Variants in DOCK1 observed in about 807,000 individuals in gnomAD.
DOCK1 encodes the protein dedicator of cytokinesis protein 1.
In DOCK1, 138 loss-of-function variants were observed where a neutral mutation model predicts 262.7. That is an observed-to-expected ratio of 0.53 (90% CI 0.46 to 0.61). The LOEUF (loss-of-function observed/expected upper bound fraction) is 0.61, where lower values mean the gene tolerates loss of function less well. Among genes scored for constraint, DOCK1 ranks in the 20% least tolerant of loss-of-function variants. DOCK1 has a pLI of 0.00. For synonymous variants in DOCK1, 866 were observed against 867.4 expected (o/e 1.00, Z 0.03); for missense variants, 1,908 against 2,370.7 (o/e 0.80, Z 4.05).
chr10:127,328,119 CAA>C (rs11301683), intron 29 of DOCK1, among the ~76,000 whole-genome samples: 1,839 of 72,530 alleles, frequency 0.025, 32 homozygotes, highest in African/African-American at 0.076. Flanking sequence ...TACAAATGGG[CAA>C]AAAAAAAAAA....
chr10:127,352,505 TATC>T (rs2063934549), intron 31 of DOCK1, among the ~76,000 whole-genome samples: 1 of 152,074 alleles, frequency 6.6e-6, no homozygotes, highest in African/African-American at 2.4e-5. Flanking sequence ...CTGGGATCAT[TATC>T]ATTCTAATCA....
At chr10:127,417,154 C>A (rs2068205765) in intron 44 of DOCK1, among the ~76,000 whole-genome samples, 1 of 152,240 alleles carries the variant, frequency 6.6e-6, no homozygotes, top group Non-Finnish European at 1.5e-5. Context: ...ATACCAAGGG[C>A]TCTTGGGCAT....
chr10:127,393,030 T>C (rs1277827184), intron 38 of DOCK1, among the ~76,000 whole-genome samples: 1 of 152,194 alleles, frequency 6.6e-6, no homozygotes, highest in Admixed American at 6.5e-5. Context: ...GGGAGGGCCG[T>C]CAGCATCCAC....
chr10:126,961,597 T>C (rs2037227196), intron 1 of DOCK1, among the ~76,000 whole-genome samples: 2 of 152,256 alleles, frequency 1.3e-5, no homozygotes, highest in Non-Finnish European at 1.5e-5. Context: ...GTACTGTATT[T>C]GTCTGTGACT....
At chr10:127,049,784 A>T (rs1189098261) in intron 21 of DOCK1, among the ~76,000 whole-genome samples, 2 of 152,114 alleles carry the variant, frequency 1.3e-5, no homozygotes, top group Non-Finnish European at 2.9e-5. Context: ...CCGAAATAAT[A>T]TTTTAGAAGA....
intron 1 of DOCK1, among the ~76,000 whole-genome samples, chr10:126,916,794 G>A (rs1195764935): frequency 6.6e-6 from 1 of 151,686 alleles, no homozygotes; most frequent in African/African-American, 2.4e-5. Context: ...ATTGGTATCT[G>A]GAGCTGCCCT....
chr10:127,369,956 C>T (rs2065120802), intron 33 of DOCK1, among the ~76,000 whole-genome samples: 2 of 152,172 alleles, frequency 1.3e-5, no homozygotes, highest in South Asian at 4.1e-4. Flanking sequence ...GCCTAGAGCC[C>T]CAAGGGTTGT....
chr10:127,143,598 T>C (rs1162053566), intron 27 of DOCK1, among the ~76,000 whole-genome samples: 1 of 152,186 alleles, frequency 6.6e-6, no homozygotes, highest in Non-Finnish European at 1.5e-5. Context: ...GGACCAGCCA[T>C]GTCCCCAAAG....
At position 127,086,769 on chromosome 10, in the gene DOCK1, A is replaced by C. The variant is rs146595398; in HGVS notation, c.2446-19462A>C. On this transcript the variant is annotated intron_variant, in intron 23 of 51. Transcript: ENST00000623213. ...GTGATGATGGAGACACTCACGTCAA[A>C]GGGACATGTAAAAAGTTAGTGTAAA... Among the ~76,000 whole-genome samples, 243 of 152,354 alleles carry C rather than the reference A, an allele frequency of 1.6e-3. 4 individuals carry two copies. Among genetic ancestry groups the C allele is most frequent in the African/African-American group, 5.5e-3 (227 of 41,592 alleles).
At chr10:127,396,472 A>G (rs1021672307) in intron 38 of DOCK1, among the ~76,000 whole-genome samples, 14 of 152,270 alleles carry the variant, frequency 9.2e-5, no homozygotes, top group African/African-American at 3.4e-4. Flanking sequence ...TCCCCTGTCC[A>G]GCCACTGCCC....
At chr10:127,206,391 A>G (rs1251936203) in intron 27 of DOCK1, among the ~76,000 whole-genome samples, 3 of 151,968 alleles carry the variant, frequency 2.0e-5, no homozygotes, top group Non-Finnish European at 4.4e-5. Flanking sequence ...TGATCTGCCC[A>G]CCTCGGCCTC....
intron 1 of DOCK1, among the ~76,000 whole-genome samples, chr10:126,907,084 A>G (rs2031004134): frequency 6.6e-6 from 1 of 152,094 alleles, no homozygotes; most frequent in African/African-American, 2.4e-5. Flanking sequence ...CACCTAATGG[A>G]TTCAGTCTGG....
intron 28 of DOCK1, among the ~76,000 whole-genome samples, chr10:127,251,365 C>A (rs2059634294): frequency 6.6e-6 from 1 of 151,706 alleles, no homozygotes; most frequent in African/African-American, 2.4e-5. Flanking sequence ...GGCCAAAACA[C>A]TTTCCATTTT....
At chr10:127,002,273 C>G (rs2135174529) in intron 10 of DOCK1, among the ~76,000 whole-genome samples, 1 of 152,272 alleles carries the variant, frequency 6.6e-6, no homozygotes, top group South Asian at 2.1e-4. Flanking sequence ...AACAGCAGAG[C>G]TACACATTCT....
chr10:126,946,111 A>AT (rs1453747596), intron 1 of DOCK1, among the ~76,000 whole-genome samples: 1 of 152,138 alleles, frequency 6.6e-6, no homozygotes, highest in African/African-American at 2.4e-5. Flanking sequence ...TTATGGGAAA[A>AT]ATATATATAA....
chr10:127,347,518 C>T (rs78540127), intron 31 of DOCK1, among the ~76,000 whole-genome samples: 7,165 of 152,192 alleles, frequency 0.047, 224 homozygotes, highest in African/African-American at 0.081. Flanking sequence ...ATGGCGCCAT[C>T]TACATATGAG....
At chr10:127,095,326 C>A (rs999854883) in intron 23 of DOCK1, among the ~76,000 whole-genome samples, 1 of 152,166 alleles carries the variant, frequency 6.6e-6, no homozygotes, top group Non-Finnish European at 1.5e-5. Context: ...CTACTCTGAC[C>A]CTTCCTGTTC....
At chr10:126,949,675 T>C (rs2036015258) in intron 1 of DOCK1, among the ~76,000 whole-genome samples, 1 of 152,182 alleles carries the variant, frequency 6.6e-6, no homozygotes, top group Non-Finnish European at 1.5e-5. Flanking sequence ...GTTTGACTGA[T>C]GCAGGAAGGA....
At chr10:127,337,932 C>T (rs966776539) in intron 29 of DOCK1, among the ~76,000 whole-genome samples, 1 of 152,176 alleles carries the variant, frequency 6.6e-6, no homozygotes, top group Non-Finnish European at 1.5e-5. Context: ...CGATGGAGAC[C>T]TCCTTAAAAC....
Sources: allele counts gnomAD v4.1 joint callset (sites outside exome capture counted in the v4.1 genomes callset), GRCh38; gene constraint gnomAD v4.1.1; transcripts MANE v1.5; gene names NCBI Gene and HGNC (gene_info 2026-07-23, HGNC 2026-07-21).